Variants in NDOR1 observed in about 807,000 individuals in gnomAD.
NDOR1 encodes NADPH dependent diflavin oxidoreductase 1, also known as NADPH-dependent diflavin oxidoreductase 1.
NDOR1 carries 61 observed loss-of-function variants against 67.2 expected under a neutral mutation model. The observed-to-expected ratio is 0.91, with a 90% CI of 0.74 to 1.12. The LOEUF (loss-of-function observed/expected upper bound fraction) is 1.12. Among genes scored for constraint, NDOR1 ranks in the 50% most tolerant of loss-of-function variants. NDOR1 has a pLI of 0.00. For missense variants in NDOR1, 878 were observed against 802.8 expected (o/e 1.09, Z -1.13); for synonymous variants, 378 against 343.7 (o/e 1.10, Z -1.10).
chr9:137,216,718 C>T lies in NDOR1; in HGVS notation c.*302C>T, dbSNP rs983325109. ...GGTGGCCTGGGCCGCTCCACCTCAC[C>T]GGTGCAGTGACCCAGGACGGCATCA... On this transcript the variant is annotated 3_prime_UTR_variant, in exon 14 of 14. Transcript: ENST00000684003. 8.5e-5 allele frequency: 38 copies of T among 445,550 alleles called. No individual in the cohort carries two copies. The highest frequency in any genetic ancestry group is 4.2e-4 in the Admixed American group (11 of 26,404). 27.6% of individuals were successfully genotyped at this position (445,550 alleles called of 1,614,324 possible).
chr9:137,215,612 C>T (rs373587313), intron 10 of NDOR1, 47 bp from the exon 11 acceptor site: 18 of 1,596,704 alleles, frequency 1.1e-5, no homozygotes, highest in South Asian at 2.2e-5. Flanking sequence ...CCAGCAGACT[C>T]AGCACAGGTC....
Position 137,217,846 on chromosome 9 carries a change from C to T in NDOR1, c.*1430C>T. ...CCCCCACCCTCCACCTGGCCGACTCCAGCTCTGGGCCTGTCAGTCCACCTG... is the reference window on the plus strand; with the variant it reads ...CCCCCACCCTCCACCTGGCCGACTCTAGCTCTGGGCCTGTCAGTCCACCTG... On this transcript the variant is annotated 3_prime_UTR_variant, in exon 14 of 14. Coordinates refer to ENST00000684003, the MANE Select transcript of NDOR1 (RefSeq NM_014434.4). 1 of 398,240 alleles carries T rather than the reference C, an allele frequency of 2.5e-6. No individual in the cohort carries two copies. The highest frequency in any genetic ancestry group is 4.4e-6 in the Non-Finnish European group (1 of 226,494). 24.7% of individuals were successfully genotyped at this position (398,240 alleles called of 1,614,324 possible).
rs561022064 is a variant in NDOR1 at position 137,214,830 on chromosome 9, T to G, written c.877T>G (p.Cys293Gly). 8.1e-6 allele frequency: 13 copies of G among 1,607,900 alleles called. No individual in the cohort carries two copies. The African/African-American group carries it at 1.7e-4, about 21-fold the overall frequency. ...CTCCCCCACGAGGCTGCCCCAGCCC[T>G]GCTCCATGCGGCACCTCGTGTCCCA... The part of the protein sequence containing the change: ...VSSPTRLPQP[C>G]SMRHLVSHYL... Residue 293 changes from cysteine (C) to glycine (G), a missense_variant, in exon 8 of 14, where the codon TGC becomes GGC. By Grantham distance (159) the Cys-to-Gly change is radical. Transcript: ENST00000684003.
rs1213323636 is a variant in NDOR1, at chr9:137,213,544, G to A, written c.312-236G>A. Among the ~76,000 whole-genome samples, 4 of 152,278 alleles carry A rather than the reference G, an allele frequency of 2.6e-5. No homozygotes were observed. The East Asian group carries it at 7.7e-4, about 29-fold the overall frequency. On this transcript the variant is annotated intron_variant, in intron 3 of 13. Coordinates refer to ENST00000684003, the MANE Select transcript of NDOR1 (RefSeq NM_014434.4). ...CCACCCACACAGGCTCATTCTCTGC[G>A]AGCAGAGGACCTGCTGCTTGGCACC...
rs975760765 is a variant in NDOR1, at chr9:137,218,080, G to A, written c.*1664G>A. On this transcript the variant is annotated 3_prime_UTR_variant, in exon 14 of 14. Coordinates refer to ENST00000684003, the MANE Select transcript of NDOR1 (RefSeq NM_014434.4). ...GGCAGGGGGAAGAGGAGGAGTGCCC[G>A]ATCTGCACAGAGCCCTACGGGCCCA... The A allele has an allele frequency of 6.5e-5, 26 of 399,294 alleles. No individual in the cohort carries two copies. Among genetic ancestry groups the A allele is most frequent in the Non-Finnish European group, 1.0e-4 (23 of 226,564 alleles). The allele number at this position is 399,294 out of a possible 1,614,324, so 24.7% of individuals were successfully genotyped here.
rs116973986 is a variant in NDOR1, at chr9:137,213,936, C to T, written c.411-31C>T. The T allele has an allele frequency of 2.2e-3, 3,535 of 1,580,318 alleles. 44 individuals carry two copies. In the East Asian group the frequency reaches 0.031, roughly 14 times the overall value. ...GTCTGGTCTGGCCACACGCAGGGTC[C>T]GCTCAGGCCAGCGCACGTGCTCCCT... On this transcript the variant is annotated intron_variant, in intron 4 of 13. Transcript: ENST00000684003.
Position 137,214,868 on chromosome 9 carries a change from C to G in NDOR1, c.915C>G (p.Ile305Met), listed in dbSNP as rs111266428. The G allele has an allele frequency of 6.2e-7, 1 of 1,610,722 alleles. No individual in the cohort carries two copies. The highest frequency in any genetic ancestry group is 1.1e-5 in the South Asian group (1 of 91,084). Residue 305 changes from isoleucine (I) to methionine (M), a missense_variant, in exon 8 of 14, where the codon ATC becomes ATG. Transcript: ENST00000684003. ...ACCTCGTGTCCCACTACCTGGACATCGCCAGCGTGCCTCGCCGCTCCTTCT... is the reference window on the plus strand; with the variant it reads ...ACCTCGTGTCCCACTACCTGGACATGGCCAGCGTGCCTCGCCGCTCCTTCT... ...MRHLVSHYLD[I>M]ASVPRRSFFE...
Position 137,215,001 on chromosome 9 carries a change from C to T in NDOR1, c.1048C>T (p.Arg350Cys), listed in dbSNP as rs56024747. 7.1e-4 allele frequency: 1,143 copies of T among 1,612,848 alleles called. 5 individuals are homozygous for T. The African/African-American group carries it at 0.013, about 19-fold the overall frequency. The change falls in exon 8 of 14, where the codon CGC becomes TGC. Residue 350 changes from arginine to cysteine, a missense_variant. By Grantham distance (180) the Arg-to-Cys change is radical. Coordinates refer to ENST00000684003, the MANE Select transcript of NDOR1 (RefSeq NM_014434.4). Reference sequence around the variant, plus strand: ...GCTCTTTGAATACTGCAACCGGCCCCGCAGGACCATCCTGGAGGTGAGATG... The same window carrying T: ...GCTCTTTGAATACTGCAACCGGCCCTGCAGGACCATCCTGGAGGTGAGATG... ...EELFEYCNRP[R>C]RTILEVLCDF... is the part of the protein sequence containing the mutation.
Position 137,217,156 on chromosome 9 carries a change from C to CCTGGGTG in NDOR1, c.*752_*758dup, listed in dbSNP as rs1024033490. The CCTGGGTG allele has an allele frequency of 2.1e-5, 4 of 188,102 alleles. No individual in the cohort carries two copies. The highest frequency in any genetic ancestry group is 7.7e-5 in the South Asian group (1 of 13,034). 11.7% of individuals were successfully genotyped at this position (188,102 alleles called of 1,614,324 possible). A position where few individuals can be genotyped will look rare whatever the true frequency, so the allele number is the denominator to read the frequency against. ...GGCGTCCTCTAGCTCCTCCCGGTGC[C>CCTGGGTG]CTGGGTGCTGGGTGCTGGATGGGTG... On this transcript the variant is annotated 3_prime_UTR_variant, in exon 14 of 14. Transcript: ENST00000684003.
intron 2 of NDOR1, 144 bp downstream of exon 2, chr9:137,206,453 G>A: frequency 1.2e-6 from 1 of 843,024 alleles, no homozygotes; most frequent in Non-Finnish European, 2.0e-6. Flanking sequence ...CCGTGAGTGG[G>A]GCTGGGGGCT....
intron 12 of NDOR1, 29 bp downstream of exon 12, chr9:137,216,046 G>A (rs1835574774): frequency 6.2e-7 from 1 of 1,613,478 alleles, no homozygotes; most frequent in African/African-American, 1.3e-5. Flanking sequence ...TGGGAAAGGA[G>A]GGGAGGGAGC....
intron 7 of NDOR1, 43 bp from the exon 8 acceptor site, chr9:137,214,755 G>C: frequency 6.3e-7 from 1 of 1,596,232 alleles, no homozygotes; most frequent in Non-Finnish European, 8.5e-7. Context: ...CCCACCCCAA[G>C]GGCTCCGCCG....
chr9:137,212,764 G>C lies in NDOR1; in HGVS notation c.311+165G>C, dbSNP rs1335297969. On this transcript the variant is annotated intron_variant, in intron 3 of 13. Transcript: ENST00000684003. The surrounding 1 kb of genome is among the most constrained non-coding windows in gnomAD (Gnocchi z 4.3). The stretch of plus-strand genomic sequence containing the variant: ...CAACGCTCCCTGGTGGGCACCCCAG[G>C]CTTCACGCTGCGGGGAGGGCACAGA... 3.1e-6 allele frequency: 2 copies of C among 642,306 alleles called. No homozygotes were observed. Among genetic ancestry groups the C allele is most frequent in the Non-Finnish European group, 5.5e-6 (2 of 363,312 alleles). 39.8% of individuals were successfully genotyped at this position (642,306 alleles called of 1,614,324 possible).
At chr9:137,209,254 G>T (rs1385710624) in intron 2 of NDOR1, among the ~76,000 whole-genome samples, 2 of 152,160 alleles carry the variant, frequency 1.3e-5, no homozygotes, top group African/African-American at 2.4e-5. Flanking sequence ...GGTATGGCAG[G>T]GGATGTGCAG....
chr9:137,212,455 T>G lies in NDOR1; in HGVS notation c.214-47T>G, dbSNP rs1385386933. 4 of 1,552,034 alleles carry G rather than the reference T, an allele frequency of 2.6e-6. No homozygotes were observed. Among genetic ancestry groups the G allele is most frequent in the East Asian group, 2.2e-5 (1 of 44,572 alleles). On this transcript the variant is annotated intron_variant, in intron 2 of 13. Coordinates refer to ENST00000684003, the MANE Select transcript of NDOR1 (RefSeq NM_014434.4). The surrounding 1 kb of genome is among the most constrained non-coding windows in gnomAD (Gnocchi z 4.3). Reference sequence around the variant, plus strand: ...CTCCCCTCACCCCCTGCTGTGGGGCTAGCCTAGAGGTCGAGGACTCTGACT... The same window carrying G: ...CTCCCCTCACCCCCTGCTGTGGGGCGAGCCTAGAGGTCGAGGACTCTGACT...
At position 137,215,524 on chromosome 9, in the gene NDOR1, G is replaced by A; in HGVS notation, c.1288+3G>A. ...GGCATCCCTGGACCCTGGGCAAGGTGACCCCTGCTCCCAGGGTGGGGGCCG... is the reference window on the plus strand; with the variant it reads ...GGCATCCCTGGACCCTGGGCAAGGTAACCCCTGCTCCCAGGGTGGGGGCCG... On this transcript the variant is annotated splice_donor_region_variant and intron_variant, in intron 10 of 13. Coordinates refer to ENST00000684003, the MANE Select transcript of NDOR1 (RefSeq NM_014434.4). The A allele has an allele frequency of 1.2e-6, 2 of 1,613,046 alleles. No individual in the cohort carries two copies. Among genetic ancestry groups the A allele is most frequent in the African/African-American group, 1.3e-5 (1 of 75,060 alleles).
chr9:137,206,106 G>T (rs1834949774), intron 1 of NDOR1, 126 bp from the exon 2 acceptor site: 2 of 1,448,686 alleles, frequency 1.4e-6, no homozygotes, highest in Non-Finnish European at 1.9e-6. Flanking sequence ...AAGAGAAGAC[G>T]GTCTGGCTGC....
Position 137,206,313 on chromosome 9 carries a change from A to C in NDOR1, c.213+4A>C. The C allele has an allele frequency of 6.2e-7, 1 of 1,613,898 alleles. No homozygotes were observed. Among genetic ancestry groups the C allele is most frequent in the Non-Finnish European group, 8.5e-7 (1 of 1,179,942 alleles). On this transcript the variant is annotated splice_donor_region_variant and intron_variant, in intron 2 of 13. Coordinates refer to ENST00000684003, the MANE Select transcript of NDOR1 (RefSeq NM_014434.4). Reference sequence around the variant, plus strand: ...AGACCCCCCTGACAACATGAAGGTAAGGCTGGCCTGATGTGGCTCCTCAGA... The same window carrying C: ...AGACCCCCCTGACAACATGAAGGTACGGCTGGCCTGATGTGGCTCCTCAGA...
chr9:137,215,824 C>T lies in NDOR1; in HGVS notation c.1435+19C>T, dbSNP rs770610995. The T allele has an allele frequency of 5.0e-6, 8 of 1,602,346 alleles. No individual in the cohort carries two copies. In the Admixed American group the frequency reaches 5.0e-5, roughly 10 times the overall value. On this transcript the variant is annotated intron_variant, in intron 11 of 13. Coordinates refer to ENST00000684003, the MANE Select transcript of NDOR1 (RefSeq NM_014434.4). ...CAGACTGGTGAGCACCCAGGGTCTC[C>T]GGGCAGGGTTGTTGCCAGGGCTCCC...
Sources: allele counts gnomAD v4.1 joint callset (sites outside exome capture counted in the v4.1 genomes callset), GRCh38; gene constraint gnomAD v4.1.1; non-coding constraint Gnocchi (gnomAD v3.1); transcripts MANE v1.5; gene names NCBI Gene and HGNC (gene_info 2026-07-23, HGNC 2026-07-21).